TMEM128: variants seen among roughly 807,000 people sequenced by gnomAD.
TMEM128 encodes the protein transmembrane protein 128.
A neutral mutation model predicts 19.7 loss-of-function variants in TMEM128; 16 were observed. The observed-to-expected ratio is 0.81, with a 90% CI of 0.55 to 1.23. TMEM128 has a LOEUF of 1.23. Ranked by LOEUF, TMEM128 falls within the 50% of genes most tolerant of loss-of-function variation. TMEM128 has a pLI of 0.00. For synonymous variants in TMEM128, 98 were observed against 75.8 expected (o/e 1.29, Z -1.52); for missense variants, 237 against 200.8 (o/e 1.18, Z -1.09).
At chr4:4,246,918 T>G (rs1471272422) in intron 1 of TMEM128, among the ~76,000 whole-genome samples, 1 of 152,066 alleles carries the variant, frequency 6.6e-6, no homozygotes, top group East Asian at 1.9e-4. Context: ...GGGCTAATTT[T>G]TGTATTTTTA....
intron 1 of TMEM128, 133 bp downstream of exon 1, chr4:4,247,973 T>C (rs1025505100): frequency 1.2e-5 from 18 of 1,444,260 alleles, no homozygotes; most frequent in African/African-American, 1.1e-4. Context: ...TCTAAGGATC[T>C]TCCCTGACAT....
Position 4,246,193 on chromosome 4 carries a change from T to C in TMEM128, c.239+9A>G, listed in dbSNP as rs913584234. On this transcript the variant is annotated intron_variant, in intron 2 of 4. Transcript: ENST00000382753. ...GGGTTTAATTTACAAAGCAATAAAA[T>C]TTTCTTACCTGCTAGTGTGGAAGTT... is the stretch of plus-strand genomic sequence containing the variant. 6.3e-7 allele frequency: 1 copy of C among 1,578,012 alleles called. No homozygotes were observed. Among genetic ancestry groups the C allele is most frequent in the South Asian group, 1.2e-5 (1 of 84,380 alleles).
chr4:4,240,377 G>A lies in TMEM128; in HGVS notation c.342C>T (p.Val114=), dbSNP rs1213839118. ...TAATGGGTATCAAGGCTGGATACTT[G>A]ACATCATATTCTCCAATTCCACAAT... ...EWYCGIGEYD[V]KYPALIPITT... is the part of the protein sequence containing the mutation. Residue 114 remains valine (V), a synonymous_variant, in exon 3 of 5, where the codon GTC becomes GTT. Transcript: ENST00000382753. 3.7e-6 allele frequency: 6 copies of A among 1,613,956 alleles called. No homozygotes were observed. Among genetic ancestry groups the A allele is most frequent in the Non-Finnish European group, 4.2e-6 (5 of 1,179,994 alleles).
In TMEM128 at chr4:4,245,265, C is replaced by T. The variant is rs535585025; in HGVS notation, c.239+937G>A. 3.3e-5 allele frequency among the ~76,000 whole-genome samples: 5 copies of T among 152,308 alleles called. No individual in the cohort carries two copies. The South Asian group carries it at 8.3e-4, about 25-fold the overall frequency. On this transcript the variant is annotated intron_variant, in intron 2 of 4. Coordinates refer to ENST00000382753, the MANE Select transcript of TMEM128 (RefSeq NM_001297551.2). The stretch of plus-strand genomic sequence containing the variant: ...TAGGATATGATTCCAACCCTCTCCT[C>T]CATGTCAACTCTGGAGACTATACTG...
intron 4 of TMEM128, 60 bp downstream of exon 4, chr4:4,237,767 G>A (rs1395072053): frequency 9.3e-7 from 1 of 1,078,256 alleles, no homozygotes; most frequent in African/African-American, 1.6e-5. Flanking sequence ...ACTGAAAATT[G>A]TCATAAAAGA....
chr4:4,239,370 A>C (rs1409871687), intron 3 of TMEM128, among the ~76,000 whole-genome samples: 2 of 152,140 alleles, frequency 1.3e-5, no homozygotes, highest in African/African-American at 4.8e-5. Flanking sequence ...CTGTTTAAAA[A>C]AATGAGACAC....
chr4:4,238,745 T>A (rs1717825408), intron 3 of TMEM128, among the ~76,000 whole-genome samples: 1 of 152,052 alleles, frequency 6.6e-6, no homozygotes, highest in African/African-American at 2.4e-5. Flanking sequence ...AAATAAAAAT[T>A]CAATTAGGCC....
At chr4:4,244,776 C>A (rs1718099951) in intron 2 of TMEM128, among the ~76,000 whole-genome samples, 1 of 152,172 alleles carries the variant, frequency 6.6e-6, no homozygotes, top group African/African-American at 2.4e-5. Context: ...TTCCTATGGG[C>A]AGCCGACTTG....
At chr4:4,238,004 G>A in intron 3 of TMEM128, 69 bp from the exon 4 acceptor site, 1 of 1,012,072 alleles carries the variant, frequency 9.9e-7, no homozygotes, top group Non-Finnish European at 1.4e-6. Context: ...CTAGAATCCA[G>A]ATTTAAAGTA....
At chr4:4,243,315 C>A (rs1202308615) in intron 2 of TMEM128, among the ~76,000 whole-genome samples, 1 of 152,132 alleles carries the variant, frequency 6.6e-6, no homozygotes, top group Non-Finnish European at 1.5e-5. Flanking sequence ...ATCTCCTGAC[C>A]TCGTGATCCG....
rs1159566371 is a variant in TMEM128 at position 4,245,180 on chromosome 4, C to T, written c.239+1022G>A. On this transcript the variant is annotated intron_variant, in intron 2 of 4. Transcript: ENST00000382753. ...TGCCATGATGCTCACCAACATACCT[C>T]TCCCTTCCATTTCTTATCCAAGGGT... 9.2e-5 allele frequency among the ~76,000 whole-genome samples: 14 copies of T among 152,312 alleles called. No individual in the cohort carries two copies. The East Asian group carries it at 2.3e-3, about 25-fold the overall frequency.
chr4:4,241,223 G>A (rs3894080), intron 2 of TMEM128, among the ~76,000 whole-genome samples: 16,782 of 152,196 alleles, frequency 0.11, 1,218 homozygotes, highest in East Asian at 0.3. Context: ...GGACTTTCTT[G>A]GAATACTGAA....
chr4:4,247,800 A>G, intron 1 of TMEM128: 2 of 1,443,936 alleles, frequency 1.4e-6, no homozygotes, highest in Non-Finnish European at 9.2e-7. Flanking sequence ...AACACTGCGC[A>G]CATCATTGTA....
intron 2 of TMEM128, among the ~76,000 whole-genome samples, chr4:4,241,941 T>C (rs55683235): frequency 0.31 from 46,989 of 152,010 alleles, 7,869 homozygotes; most frequent in East Asian, 0.46. Context: ...CTTGCTCTGT[T>C]GCCCAGGCTG....
Position 4,248,087 on chromosome 4 carries a change from G to C in TMEM128, c.97+19C>G. Reference sequence around the variant, plus strand: ...GCCTCGCCTCTGAGAACCTCGGGGCGGCTTGGTGCGCGCCTCACCCGGCCC... The same window carrying C: ...GCCTCGCCTCTGAGAACCTCGGGGCCGCTTGGTGCGCGCCTCACCCGGCCC... On this transcript the variant is annotated intron_variant, in intron 1 of 4. Transcript: ENST00000382753. 1 of 1,535,220 alleles carries C rather than the reference G, an allele frequency of 6.5e-7. No individual in the cohort carries two copies.
At chr4:4,246,468 C>T in intron 1 of TMEM128, 125 bp from the exon 2 acceptor site, 1 of 949,108 alleles carries the variant, frequency 1.1e-6, no homozygotes, top group Non-Finnish European at 1.5e-6. Context: ...ACAAATCCTT[C>T]TGTAAAACCC....
chr4:4,242,981 TTC>T (rs1266732030), intron 2 of TMEM128, among the ~76,000 whole-genome samples: 2 of 152,210 alleles, frequency 1.3e-5, no homozygotes, highest in African/African-American at 4.8e-5. Flanking sequence ...TAATTTTACT[TTC>T]TGTCTTTAAC....
intron 3 of TMEM128, among the ~76,000 whole-genome samples, chr4:4,239,921 C>T (rs1236702233): frequency 6.6e-6 from 1 of 152,182 alleles, no homozygotes. Flanking sequence ...TTACCTGTGG[C>T]AGGAGGGAAG....
Position 4,248,105 on chromosome 4 carries a change from C to T in TMEM128, c.97+1G>A, listed in dbSNP as rs1208623044. On this transcript the variant is annotated splice_donor_variant, in intron 1 of 4. Coordinates refer to ENST00000382753, the MANE Select transcript of TMEM128 (RefSeq NM_001297551.2). LOFTEE classifies it high-confidence loss of function. ...TCGGGGCGGCTTGGTGCGCGCCTCA[C>T]CCGGCCCGGCGTCACCCTCGCGGTC... 5 of 1,535,716 alleles carry T rather than the reference C, an allele frequency of 3.3e-6. No homozygotes were observed. Among genetic ancestry groups the T allele is most frequent in the Non-Finnish European group, 4.4e-6 (5 of 1,144,156 alleles).
Sources: allele counts gnomAD v4.1 joint callset (sites outside exome capture counted in the v4.1 genomes callset), GRCh38; gene constraint gnomAD v4.1.1; transcripts MANE v1.5; gene names NCBI Gene and HGNC (gene_info 2026-07-23, HGNC 2026-07-21).